Variants in ZNF365 observed in about 807,000 individuals in gnomAD.
ZNF365 encodes the protein zinc finger protein 365.
ZNF365 carries 22 observed loss-of-function variants against 35.0 expected under a neutral mutation model. That is an observed-to-expected ratio of 0.63 (90% CI 0.45 to 0.90). The LOEUF (loss-of-function observed/expected upper bound fraction) is 0.90, where lower values mean the gene tolerates loss of function less well. ZNF365 is among the 40% of genes least tolerant of loss of function. ZNF365 has a pLI of 0.00. For synonymous variants in ZNF365, 188 were observed against 196.2 expected (o/e 0.96, Z 0.35); for missense variants, 448 against 500.3 (o/e 0.90, Z 1.00).
chr10:62,387,425 T>G (rs998170747), intron 2 of ZNF365, among the ~76,000 whole-genome samples: 1 of 152,220 alleles, frequency 6.6e-6, no homozygotes, highest in Admixed American at 6.5e-5. Flanking sequence ...TAATGGGTTA[T>G]TTGAATTTTT....
At chr10:62,457,182 CAT>C (rs1250463194) in intron 3 of ZNF365, among the ~76,000 whole-genome samples, 2 of 152,206 alleles carry the variant, frequency 1.3e-5, no homozygotes, top group African/African-American at 4.8e-5. Context: ...GCTGCACAAA[CAT>C]GTGTACCCTA....
At chr10:62,455,672 G>A (rs1394216303) in intron 3 of ZNF365, among the ~76,000 whole-genome samples, 3 of 151,706 alleles carry the variant, frequency 2.0e-5, no homozygotes, top group Admixed American at 2.0e-4. Flanking sequence ...ACTTAGAGAA[G>A]GATAGAAAAT....
At chr10:62,394,128 T>A (rs549129937) in intron 3 of ZNF365, among the ~76,000 whole-genome samples, 27 of 152,300 alleles carry the variant, frequency 1.8e-4, no homozygotes, top group African/African-American at 6.0e-4. Context: ...TTTAGATTTT[T>A]TTAGAATTTG....
chr10:62,431,581 T>A (rs1180998354), intron 3 of ZNF365, among the ~76,000 whole-genome samples: 1 of 152,232 alleles, frequency 6.6e-6, no homozygotes, highest in Non-Finnish European at 1.5e-5. Context: ...CTATTTTTGA[T>A]GGTTCCAACC....
chr10:62,461,966 C>T (rs1442513778), intron 4 of ZNF365, among the ~76,000 whole-genome samples: 1 of 151,912 alleles, frequency 6.6e-6, no homozygotes, highest in African/African-American at 2.4e-5. Context: ...CTTTGGAATT[C>T]TCTCCCCATC....
chr10:62,395,848 A>T (rs1839717823), intron 3 of ZNF365, among the ~76,000 whole-genome samples: 1 of 152,152 alleles, frequency 6.6e-6, no homozygotes, highest in Non-Finnish European at 1.5e-5. Flanking sequence ...TTTGGATAAG[A>T]GTTAGTCAAA....
chr10:62,462,311 A>C (rs1840860937), intron 4 of ZNF365, among the ~76,000 whole-genome samples: 1 of 152,232 alleles, frequency 6.6e-6, no homozygotes, highest in East Asian at 1.9e-4. Context: ...TCCTTGCTTA[A>C]GGCAATAAAG....
At chr10:62,471,441 T>C (rs1471701835) in intron 4 of ZNF365, among the ~76,000 whole-genome samples, 1 of 152,168 alleles carries the variant, frequency 6.6e-6, no homozygotes, top group Non-Finnish European at 1.5e-5. Flanking sequence ...TTAATTCTTA[T>C]GAAACGGATC....
At chr10:62,477,013 G>A (rs1278772213) in intron 4 of ZNF365, among the ~76,000 whole-genome samples, 1 of 152,190 alleles carries the variant, frequency 6.6e-6, no homozygotes, top group Non-Finnish European at 1.5e-5. Context: ...ACAGGAAGTA[G>A]AAAATTCAGC....
intron 3 of ZNF365, among the ~76,000 whole-genome samples, chr10:62,422,852 C>T (rs1840194786): frequency 6.6e-6 from 1 of 152,088 alleles, no homozygotes; most frequent in Non-Finnish European, 1.5e-5. Flanking sequence ...TGAAGTTGAT[C>T]TTGAAGACGA....
chr10:62,441,218 G>A (rs1432374568), intron 3 of ZNF365, among the ~76,000 whole-genome samples: 1 of 152,124 alleles, frequency 6.6e-6, no homozygotes, highest in Non-Finnish European at 1.5e-5. Flanking sequence ...ATGTTGCAGA[G>A]CTGAGAGTCA....
At chr10:62,394,577 A>G (rs920642212) in intron 3 of ZNF365, among the ~76,000 whole-genome samples, 6 of 152,208 alleles carry the variant, frequency 3.9e-5, no homozygotes, top group African/African-American at 1.4e-4. Flanking sequence ...CTAATTCGGC[A>G]CCATTTTTCA....
intron 3 of ZNF365, among the ~76,000 whole-genome samples, chr10:62,429,230 T>C (rs1424332212): frequency 2.0e-5 from 3 of 152,214 alleles, no homozygotes; most frequent in Non-Finnish European, 4.4e-5. Flanking sequence ...TGTCTAATAG[T>C]GTATGCCCTA....
intron 3 of ZNF365, among the ~76,000 whole-genome samples, chr10:62,441,101 T>A (rs1840493061): frequency 6.6e-6 from 1 of 152,184 alleles, no homozygotes; most frequent in African/African-American, 2.4e-5. Context: ...TTTGGTTGAA[T>A]CCCCATAAAA....
intron 3 of ZNF365, among the ~76,000 whole-genome samples, chr10:62,432,704 A>T (rs931599641): frequency 1.3e-5 from 2 of 152,238 alleles, no homozygotes; most frequent in Non-Finnish European, 2.9e-5. Context: ...TAAATGCACA[A>T]CAAATGATAG....
chr10:62,443,933 C>T (rs1840543245), intron 3 of ZNF365, among the ~76,000 whole-genome samples: 1 of 152,202 alleles, frequency 6.6e-6, no homozygotes, highest in African/African-American at 2.4e-5. Context: ...ACTTTTGCCC[C>T]CATGGAGTAC....
intron 4 of ZNF365, among the ~76,000 whole-genome samples, chr10:62,469,092 T>C (rs1156890983): frequency 6.6e-6 from 1 of 152,224 alleles, no homozygotes; most frequent in Non-Finnish European, 1.5e-5. Context: ...GCAGAGTTCA[T>C]GGCAACAGTT....
intron 4 of ZNF365, among the ~76,000 whole-genome samples, chr10:62,463,116 AAACC>A (rs1248229561): frequency 1.3e-5 from 2 of 152,224 alleles, no homozygotes; most frequent in East Asian, 3.8e-4. Context: ...ATTGAAAAAC[AAACC>A]AACAAACAGC....
chr10:62,422,861 G>A lies in ZNF365; in HGVS notation c.924+34285G>A, dbSNP rs566232239. ...TGGAAATGAAGTTGATCTTGAAGAC[G>A]AAACTAAGTTGTGTGAGTACCTGGC... On this transcript the variant is annotated intron_variant, in intron 3 of 4. Coordinates refer to the ZNF365 transcript ENST00000395255. 6.6e-5 allele frequency among the ~76,000 whole-genome samples: 10 copies of A among 152,172 alleles called. No homozygotes were observed. The South Asian group carries it at 1.2e-3, about 19-fold the overall frequency.
Sources: allele counts gnomAD v4.1 joint callset (sites outside exome capture counted in the v4.1 genomes callset), GRCh38; gene constraint gnomAD v4.1.1; transcripts MANE v1.5; gene names NCBI Gene and HGNC (gene_info 2026-07-23, HGNC 2026-07-21).